The following LAMA4 variants were observed in gnomAD, a reference collection of about 807,000 sequenced individuals.
The protein encoded by LAMA4 is laminin subunit alpha 4, also known as laminin subunit alpha-4.
Under a neutral mutation model 207.1 loss-of-function variants are expected in LAMA4, and 127 were observed. The observed-to-expected ratio is 0.61, with a 90% confidence interval of 0.53 to 0.71. LAMA4 has a LOEUF of 0.71. LAMA4 is among the 30% of genes least tolerant of loss of function. The pLI is 0.00. For missense variants in LAMA4, 2,093 were observed against 2,246.5 expected, an observed-to-expected ratio of 0.93 and a Z score of 1.38; for synonymous variants, 761 against 816.0, an observed-to-expected ratio of 0.93 and a Z score of 1.15.
rs112648816 is a variant in LAMA4, at chr6:112,230,148, G to A, written c.196-13679C>T. Reference sequence around the variant, plus strand: ...GCCATTTTAAGAAATGTCCATGTATGTCTGTGTTCAGTCCCCATTTGTTCA... The same window carrying A: ...GCCATTTTAAGAAATGTCCATGTATATCTGTGTTCAGTCCCCATTTGTTCA... On this transcript the variant is annotated intron_variant, in intron 2 of 38. Transcript: ENST00000230538. Among the ~76,000 whole-genome samples, 433 of 152,258 alleles carry A rather than the reference G, an allele frequency of 2.8e-3. 2 individuals carry two copies. The highest frequency in any genetic ancestry group is 9.8e-3 in the African/African-American group (409 of 41,554).
chr6:112,124,878 T>G (rs1425469300), intron 31 of LAMA4, among the ~76,000 whole-genome samples: 5 of 151,836 alleles, frequency 3.3e-5, no homozygotes, highest in African/African-American at 1.2e-4. Flanking sequence ...TGCCTCAGCC[T>G]CCCGAGTAGC....
intron 2 of LAMA4, among the ~76,000 whole-genome samples, chr6:112,221,482 G>C (rs565284268): frequency 1.3e-5 from 2 of 152,222 alleles, no homozygotes; most frequent in South Asian, 4.1e-4. Context: ...TTCATTCACT[G>C]GTGTTCAGAA....
At chr6:112,144,982 T>A (rs1554334197) in intron 18 of LAMA4, 49 bp from the exon 19 acceptor site, 1 of 1,491,330 alleles carries the variant, frequency 6.7e-7, no homozygotes, top group South Asian at 1.2e-5. Flanking sequence ...CAATATTATA[T>A]TTCAAGAATC....
intron 2 of LAMA4, among the ~76,000 whole-genome samples, chr6:112,239,953 G>A (rs113792282): frequency 0.27 from 40,418 of 151,828 alleles, 6,498 homozygotes; most frequent in Non-Finnish European, 0.37. Flanking sequence ...AGTCCCGGGA[G>A]GCTGAGGCAG....
intron 31 of LAMA4, among the ~76,000 whole-genome samples, chr6:112,126,279 G>T (rs1449703526): frequency 6.6e-6 from 1 of 152,144 alleles, no homozygotes; most frequent in Non-Finnish European, 1.5e-5. Context: ...ATGTTAATCT[G>T]CTGCCTATGA....
At chr6:112,165,338 G>T in intron 12 of LAMA4, 62 bp from the exon 13 acceptor site, 1 of 1,101,388 alleles carries the variant, frequency 9.1e-7, no homozygotes, top group Non-Finnish European at 1.4e-6. Context: ...GCGTTGGGGA[G>T]AGCAGTAAAT....
chr6:112,170,599 C>A (rs781838091), intron 12 of LAMA4, among the ~76,000 whole-genome samples: 7 of 152,172 alleles, frequency 4.6e-5, no homozygotes, highest in Non-Finnish European at 7.3e-5. Context: ...ACTACAGGAT[C>A]CCCAAATTGG....
chr6:112,202,976 T>G (rs782031927), intron 4 of LAMA4, among the ~76,000 whole-genome samples: 1 of 152,156 alleles, frequency 6.6e-6, no homozygotes, highest in Non-Finnish European at 1.5e-5. Context: ...TTTCCATAGC[T>G]ACTGGTAGAG....
At chr6:112,190,515 G>A (rs1782954251) in intron 6 of LAMA4, among the ~76,000 whole-genome samples, 1 of 152,072 alleles carries the variant, frequency 6.6e-6, no homozygotes, top group African/African-American at 2.4e-5. Flanking sequence ...AATATTTCCT[G>A]CTCTCCCACT....
At chr6:112,185,164 G>A in intron 9 of LAMA4, 73 bp downstream of exon 9, 1 of 1,004,500 alleles carries the variant, frequency 1.0e-6, no homozygotes, top group South Asian at 1.3e-5. Context: ...AGTCGTTTGT[G>A]ACCAGCCAGC....
chr6:112,172,506 T>C, intron 12 of LAMA4, 105 bp downstream of exon 12: 1 of 1,016,890 alleles, frequency 9.8e-7, no homozygotes, highest in South Asian at 1.4e-5. Context: ...AATATAAGTA[T>C]TTAACTATAC....
In LAMA4 at chr6:112,158,746, A is replaced by G. The variant is rs782495617; in HGVS notation, c.1803T>C (p.Ala601=). Residue 601 remains alanine, a synonymous_variant, in exon 14 of 39, where the codon GCT becomes GCC. Transcript: ENST00000230538. ...CAGGATATTACCTGCTCAATTCATT[A>G]GCTTCTTGTTGAAGGTCCTGTGCAT... ...IDHAQDLQQE[A]NELSRKLHSS... is the part of the protein sequence containing the mutation. 10 of 1,613,676 alleles carry G rather than the reference A, an allele frequency of 6.2e-6. No homozygotes were observed. The Admixed American group carries it at 1.7e-4, about 27-fold the overall frequency.
chr6:112,233,626 A>G (rs1291259460), intron 2 of LAMA4, among the ~76,000 whole-genome samples: 1 of 152,186 alleles, frequency 6.6e-6, no homozygotes, highest in Non-Finnish European at 1.5e-5. Flanking sequence ...GGAATCAAAA[A>G]TGGTTCTTTG....
chr6:112,136,071 AT>A lies in LAMA4; in HGVS notation c.3414+51del, dbSNP rs1779321557. On this transcript the variant is annotated intron_variant, in intron 25 of 38. Coordinates refer to ENST00000230538, the MANE Select transcript of LAMA4 (RefSeq NM_001105206.3). ...TTTGACTGCCTGATTAGATCAACAG[AT>A]CTAAGTATAAAGAACAAAAACAAAA... 7.1e-6 allele frequency: 11 copies of A among 1,542,574 alleles called. No homozygotes were observed. In the South Asian group the frequency reaches 1.2e-4, roughly 17 times the overall value.
intron 3 of LAMA4, 92 bp from the exon 4 acceptor site, chr6:112,207,237 A>G: frequency 7.2e-7 from 1 of 1,383,894 alleles, no homozygotes; most frequent in Non-Finnish European, 1.0e-6. Flanking sequence ...TTTCAAGCAA[A>G]AGGGACATCA....
intron 6 of LAMA4, among the ~76,000 whole-genome samples, chr6:112,190,927 C>CT (rs1283650962): frequency 1.1e-3 from 100 of 92,786 alleles, no homozygotes; most frequent in African/African-American, 3.9e-3. Flanking sequence ...TTCTTTCTTT[C>CT]TTTCTTTCTT....
chr6:112,135,828 T>C (rs1211157032), intron 25 of LAMA4: 2 of 367,480 alleles, frequency 5.4e-6, no homozygotes, highest in Non-Finnish European at 1.0e-5. Context: ...AAGTATCCTG[T>C]AGGAATACCA....
intron 3 of LAMA4, among the ~76,000 whole-genome samples, chr6:112,212,759 T>G (rs1210587128): frequency 6.6e-6 from 1 of 152,208 alleles, no homozygotes; most frequent in Non-Finnish European, 1.5e-5. Flanking sequence ...GATACCAATT[T>G]ACAGTTGCAA....
At chr6:112,133,320 T>G (rs202025118) in intron 27 of LAMA4, 29 bp downstream of exon 27, 101 of 1,612,296 alleles carry the variant, frequency 6.3e-5, no homozygotes, top group Non-Finnish European at 8.0e-5. Context: ...TTGTGTCTAT[T>G]AAAAAGCTTT....
Sources: gnomAD v4.1 joint callset for allele counts (sites outside exome capture counted in the v4.1 genomes callset) on GRCh38, gnomAD v4.1.1 for gene constraint, MANE v1.5 for transcripts, NCBI Gene and HGNC (gene_info 2026-07-23, HGNC 2026-07-21) for gene names.